NIPAL2: variants seen among roughly 807,000 people sequenced by gnomAD.
The protein encoded by NIPAL2 is NIPA like domain containing 2, also known as NIPA-like protein 2.
Under a neutral mutation model 48.9 loss-of-function variants are expected in NIPAL2, and 43 were observed. The ratio of observed to expected loss-of-function variants is 0.88; its 90% confidence interval spans 0.69 to 1.13. NIPAL2 has a LOEUF of 1.13. Ranked by LOEUF, NIPAL2 falls within the 50% of genes most tolerant of loss-of-function variation. The pLI is 0.00. For synonymous variants in NIPAL2, 167 were observed against 174.6 expected (o/e 0.96, Z 0.34); for missense variants, 446 against 461.4 (o/e 0.97, Z 0.31).
At chr8:98,257,659 A>C (rs752597780) in intron 1 of NIPAL2, among the ~76,000 whole-genome samples, 1 of 152,102 alleles carries the variant, frequency 6.6e-6, no homozygotes, top group Non-Finnish European at 1.5e-5. Flanking sequence ...CTTTTCCCTG[A>C]TCCAGGAGAG....
rs553279949 is a variant in NIPAL2, at chr8:98,192,707, G to C, written c.*271C>G. On this transcript the variant is annotated 3_prime_UTR_variant, in exon 11 of 11. Coordinates refer to ENST00000430223, the MANE Select transcript of NIPAL2 (RefSeq NM_001321635.2). ...TCTGTGCAACATTCCTGCTAGAGCA[G>C]CCGGGCTCTGAGTAAGGTGTAGCTG... is the stretch of plus-strand genomic sequence containing the variant. The C allele has an allele frequency of 6.4e-4, 277 of 430,250 alleles. 4 individuals are homozygous for C. Among genetic ancestry groups the C allele is most frequent in the South Asian group, 2.7e-3 (63 of 23,370 alleles). 26.7% of individuals were successfully genotyped at this position (430,250 alleles called of 1,614,324 possible).
At chr8:98,193,548 G>A (rs1043272927) in intron 10 of NIPAL2, 1 of 848,340 alleles carries the variant, frequency 1.2e-6, no homozygotes, top group Admixed American at 1.9e-5. Flanking sequence ...GCTCGGTGCA[G>A]TGGCTCACAC....
rs553582248 is a variant in NIPAL2 at position 98,234,825 on chromosome 8, T to A, written c.436+1330A>T. Reference sequence around the variant, plus strand: ...CCTCGGCCTCCCAAAGTGCTGGGATTATAGGCATCAGCCACTGCATCAGGC... The same window carrying A: ...CCTCGGCCTCCCAAAGTGCTGGGATAATAGGCATCAGCCACTGCATCAGGC... On this transcript the variant is annotated intron_variant, in intron 4 of 10. Transcript: ENST00000430223. Among the ~76,000 whole-genome samples the A allele has an allele frequency of 4.7e-4, 71 of 152,226 alleles. 1 individual carries two copies. In the South Asian group the frequency reaches 0.013, roughly 29 times the overall value.
At chr8:98,216,390 T>G (rs1811575548) in intron 5 of NIPAL2, among the ~76,000 whole-genome samples, 1 of 152,246 alleles carries the variant, frequency 6.6e-6, no homozygotes, top group South Asian at 2.1e-4. Context: ...GAATGTAGTC[T>G]GAGCTAGACA....
chr8:98,269,681 T>A (rs1302658420), intron 1 of NIPAL2, among the ~76,000 whole-genome samples: 1 of 152,190 alleles, frequency 6.6e-6, no homozygotes, highest in Non-Finnish European at 1.5e-5. Flanking sequence ...ACTGTAGCTT[T>A]ATTTATTTAT....
At chr8:98,198,634 A>G (rs1182850842) in intron 8 of NIPAL2, among the ~76,000 whole-genome samples, 1 of 152,248 alleles carries the variant, frequency 6.6e-6, no homozygotes, top group Admixed American at 6.5e-5. Flanking sequence ...CAGCTTTTAC[A>G]TCAGCACTTG....
intron 1 of NIPAL2, among the ~76,000 whole-genome samples, chr8:98,280,972 AT>A (rs1436082432): frequency 7.2e-5 from 11 of 151,870 alleles, no homozygotes; most frequent in Admixed American, 7.2e-4. Flanking sequence ...AGATGGATTT[AT>A]TTAAAAATAG....
chr8:98,264,325 A>G (rs1175233456), intron 1 of NIPAL2, among the ~76,000 whole-genome samples: 1 of 129,932 alleles, frequency 7.7e-6, no homozygotes, highest in East Asian at 2.3e-4. Flanking sequence ...AATTAGGAAA[A>G]GAGGAAGTCA....
chr8:98,273,660 G>A (rs796664275), intron 1 of NIPAL2, among the ~76,000 whole-genome samples: 48 of 152,096 alleles, frequency 3.2e-4, no homozygotes, highest in African/African-American at 1.2e-3. Flanking sequence ...TCAGAGATAC[G>A]TAATTTTCTG....
intron 3 of NIPAL2, among the ~76,000 whole-genome samples, chr8:98,243,416 G>A (rs1307415141): frequency 1.3e-5 from 2 of 152,156 alleles, no homozygotes; most frequent in Non-Finnish European, 2.9e-5. Flanking sequence ...TAGATGTGGG[G>A]GAGGGTGCCA....
chr8:98,266,594 A>G (rs891526821), intron 1 of NIPAL2, among the ~76,000 whole-genome samples: 1 of 151,472 alleles, frequency 6.6e-6, no homozygotes, highest in Non-Finnish European at 1.5e-5. Context: ...TGTGAAGGCC[A>G]TGTCTAAATC....
At chr8:98,210,212 T>C (rs1443369604) in intron 6 of NIPAL2, among the ~76,000 whole-genome samples, 1 of 152,180 alleles carries the variant, frequency 6.6e-6, no homozygotes, top group African/African-American at 2.4e-5. Context: ...TTCTAATTTC[T>C]TGAGTTGAAT....
chr8:98,287,066 C>T (rs1816219639), intron 1 of NIPAL2, among the ~76,000 whole-genome samples: 1 of 151,634 alleles, frequency 6.6e-6, no homozygotes, highest in African/African-American at 2.4e-5. Flanking sequence ...GGGTAGTTAA[C>T]AGAAGTTATA....
At chr8:98,220,160 A>G (rs757155588) in intron 5 of NIPAL2, among the ~76,000 whole-genome samples, 3 of 152,210 alleles carry the variant, frequency 2.0e-5, no homozygotes, top group Non-Finnish European at 4.4e-5. Flanking sequence ...TCTAGTGGTC[A>G]GAATACATAT....
At chr8:98,265,216 C>A (rs1166107445) in intron 1 of NIPAL2, among the ~76,000 whole-genome samples, 7 of 151,388 alleles carry the variant, frequency 4.6e-5, no homozygotes, top group Middle Eastern at 3.4e-3. Context: ...AGGACATAGG[C>A]ATGGGCAAGG....
chr8:98,252,471 G>A lies in NIPAL2; in HGVS notation c.368C>T (p.Ser123Phe), dbSNP rs1194620956. ...AATACAGAATGGCTTACCTGTAACAGACACACAGCCTAACGGAGCGATCAG... is the reference window on the plus strand; with the variant it reads ...AATACAGAATGGCTTACCTGTAACAAACACACAGCCTAACGGAGCGATCAG... ...ITLIAPLGCV[S>F]VTGSAIISVT... The change falls in exon 3 of 11, where the codon TCT becomes TTT. Residue 123 changes from serine (S) to phenylalanine (F), a missense_variant. Ser to Phe is a radical substitution (Grantham distance 155). Coordinates refer to ENST00000430223, the MANE Select transcript of NIPAL2 (RefSeq NM_001321635.2). 1 of 1,605,606 alleles carries A rather than the reference G, an allele frequency of 6.2e-7. No individual in the cohort carries two copies. Among genetic ancestry groups the A allele is most frequent in the East Asian group, 2.2e-5 (1 of 44,716 alleles).
At chr8:98,205,757 G>A (rs899994218) in intron 6 of NIPAL2, among the ~76,000 whole-genome samples, 1 of 152,086 alleles carries the variant, frequency 6.6e-6, no homozygotes, top group East Asian at 1.9e-4. Flanking sequence ...TCAGCCTTTT[G>A]GCTAAAATCA....
At chr8:98,280,202 C>G (rs1815717982) in intron 1 of NIPAL2, among the ~76,000 whole-genome samples, 1 of 152,186 alleles carries the variant, frequency 6.6e-6, no homozygotes, top group Admixed American at 6.5e-5. Flanking sequence ...TGAACTCAAC[C>G]ATATTCCTGG....
intron 4 of NIPAL2, among the ~76,000 whole-genome samples, chr8:98,223,547 A>G (rs1812007319): frequency 6.6e-6 from 1 of 152,250 alleles, no homozygotes; most frequent in Admixed American, 6.5e-5. Flanking sequence ...TATAATTTAT[A>G]ACCAACATAG....
Sources: allele counts gnomAD v4.1 joint callset (sites outside exome capture counted in the v4.1 genomes callset), GRCh38; gene constraint gnomAD v4.1.1; transcripts MANE v1.5; gene names NCBI Gene and HGNC (gene_info 2026-07-23, HGNC 2026-07-21).